The following NTRK2 variants were observed in gnomAD, a reference collection of about 807,000 sequenced individuals.
The protein encoded by NTRK2 is neurotrophic receptor tyrosine kinase 2.
Under a neutral mutation model 94.5 loss-of-function variants are expected in NTRK2, and 13 were observed. The ratio of observed to expected loss-of-function variants is 0.14; its 90% CI spans 0.09 to 0.22. NTRK2 has a LOEUF of 0.22. Ranked by LOEUF, NTRK2 falls within the 10% of genes least tolerant of loss-of-function variation. The pLI is 1.00. For synonymous variants in NTRK2, 372 were observed against 407.4 expected, an observed-to-expected ratio of 0.91 and a Z score of 1.05; for missense variants, 639 against 1,071.2, an observed-to-expected ratio of 0.60 and a Z score of 5.63.
At chr9:84,732,217 C>T (rs1588227921) in intron 9 of NTRK2, among the ~76,000 whole-genome samples, 1 of 152,184 alleles carries the variant, frequency 6.6e-6, no homozygotes, top group South Asian at 2.1e-4. Flanking sequence ...CTTTTGTTTT[C>T]CATCATGTCT....
intron 12 of NTRK2, among the ~76,000 whole-genome samples, chr9:84,797,739 CT>C (rs1360191453): frequency 9.4e-4 from 50 of 52,912 alleles, no homozygotes; most frequent in Middle Eastern, 9.1e-3. Flanking sequence ...ATTATATATA[CT>C]ATAATATATA....
chr9:84,862,370 G>T (rs2075377563), intron 13 of NTRK2, among the ~76,000 whole-genome samples: 1 of 152,172 alleles, frequency 6.6e-6, no homozygotes, highest in South Asian at 2.1e-4. Flanking sequence ...GGGGAAGGTG[G>T]TAATAAACTC....
At chr9:84,819,737 G>A (rs978588553) in intron 12 of NTRK2, among the ~76,000 whole-genome samples, 8 of 152,150 alleles carry the variant, frequency 5.3e-5, no homozygotes, top group African/African-American at 1.9e-4. Context: ...GCAGAATGGC[G>A]CCTTCTCTGT....
intron 14 of NTRK2, among the ~76,000 whole-genome samples, chr9:84,891,875 A>C (rs563874192): frequency 3.9e-5 from 6 of 152,274 alleles, no homozygotes; most frequent in African/African-American, 1.4e-4. Context: ...CTCAGCTAAT[A>C]TAGTCTGCTT....
Position 85,022,264 on chromosome 9 carries a change from T to C in NTRK2, c.*827T>C, listed in dbSNP as rs768409179. The C allele has an allele frequency of 1.7e-5, 4 of 233,096 alleles. No homozygotes were observed. The highest frequency in any genetic ancestry group is 1.7e-5 in the Non-Finnish European group (2 of 118,012). The allele number at this position is 233,096 out of a possible 1,614,324, so 14.4% of individuals were successfully genotyped here. On this transcript the variant is annotated 3_prime_UTR_variant, in exon 19 of 19. Coordinates refer to ENST00000277120, the MANE Select transcript of NTRK2 (RefSeq NM_006180.6). ...AAAAAGACTACTGGCCTCTGTGCCATGGATGATTCTTTTCCCATCACCAGA... is the reference window on the plus strand; with the variant it reads ...AAAAAGACTACTGGCCTCTGTGCCACGGATGATTCTTTTCCCATCACCAGA...
At chr9:84,882,723 C>CGT (rs1449811736) in intron 14 of NTRK2, among the ~76,000 whole-genome samples, 6 of 136,778 alleles carry the variant, frequency 4.4e-5, no homozygotes, top group African/African-American at 1.7e-4. Context: ...TGTGTGTGCG[C>CGT]GCGCGCGCGC....
In NTRK2 at chr9:85,025,631, T is replaced by C. The variant is rs1004691475; in HGVS notation, c.*4194T>C. 7.7e-5 allele frequency: 18 copies of C among 233,158 alleles called. No individual in the cohort carries two copies. Among genetic ancestry groups the C allele is most frequent in the Non-Finnish European group, 1.3e-4 (15 of 118,020 alleles). The allele number at this position is 233,158 out of a possible 1,614,324, so 14.4% of individuals were successfully genotyped here. ...TACCAATAACATTGTTGTATCTAAC[T>C]AAATAAATGACTGCATATACACACA... On this transcript the variant is annotated 3_prime_UTR_variant, in exon 19 of 19. Coordinates refer to ENST00000277120, the MANE Select transcript of NTRK2 (RefSeq NM_006180.6).
At chr9:84,900,213 G>A (rs1226134816) in intron 14 of NTRK2, among the ~76,000 whole-genome samples, 1 of 152,082 alleles carries the variant, frequency 6.6e-6, no homozygotes, top group African/African-American at 2.4e-5. Context: ...GTGCTGGTTC[G>A]GGTGTTAGAG....
chr9:84,694,883 A>ATCT (rs2060268154), intron 2 of NTRK2, among the ~76,000 whole-genome samples: 1 of 151,992 alleles, frequency 6.6e-6, no homozygotes. Flanking sequence ...GATTTGATAA[A>ATCT]AATCTATCTA....
chr9:85,018,484 T>C (rs571434300), intron 17 of NTRK2, among the ~76,000 whole-genome samples: 5 of 152,296 alleles, frequency 3.3e-5, no homozygotes, highest in Non-Finnish European at 5.9e-5. Context: ...GGCATTGCCA[T>C]GTGGGCTGCC....
intron 17 of NTRK2, among the ~76,000 whole-genome samples, chr9:85,016,516 A>G (rs1363570373): frequency 6.6e-6 from 1 of 152,184 alleles, no homozygotes; most frequent in African/African-American, 2.4e-5. Context: ...TATTTAAGCA[A>G]GGGCATGAGG....
At chr9:84,881,021 G>C (rs2076238477) in intron 14 of NTRK2, among the ~76,000 whole-genome samples, 1 of 152,214 alleles carries the variant, frequency 6.6e-6, no homozygotes, top group Admixed American at 6.5e-5. Flanking sequence ...GCAGAGCATG[G>C]CCAGCCCTTT....
chr9:84,697,538 G>T (rs549520689), intron 2 of NTRK2, among the ~76,000 whole-genome samples: 1 of 152,336 alleles, frequency 6.6e-6, no homozygotes, highest in Non-Finnish European at 1.5e-5. Context: ...AGGGGCAGTG[G>T]GGAGTGGTTT....
At chr9:84,986,140 C>T (rs1020283260) in intron 17 of NTRK2, among the ~76,000 whole-genome samples, 2 of 152,086 alleles carry the variant, frequency 1.3e-5, no homozygotes, top group African/African-American at 4.8e-5. Flanking sequence ...AGATGACTAC[C>T]CTTTCACAAA....
chr9:84,832,344 C>T (rs1009549886), intron 12 of NTRK2, among the ~76,000 whole-genome samples: 2 of 152,114 alleles, frequency 1.3e-5, no homozygotes, highest in Non-Finnish European at 1.5e-5. Context: ...ATTTTAAGTT[C>T]ACAAGAAAAA....
intron 17 of NTRK2, among the ~76,000 whole-genome samples, chr9:85,000,711 C>T (rs192432879): frequency 3.8e-4 from 58 of 152,246 alleles, no homozygotes; most frequent in African/African-American, 1.1e-3. Context: ...ATGAATAAAG[C>T]GGGTGTAGAC....
rs1002161902 is a variant in NTRK2 at position 84,766,423 on chromosome 9, G to T, written c.1396+14338G>T. 2.0e-5 allele frequency among the ~76,000 whole-genome samples: 3 copies of T among 152,124 alleles called. No individual in the cohort carries two copies. The East Asian group carries it at 5.8e-4, about 29-fold the overall frequency. ...TTTTTATTCAGAGTGAGGAGTACTT[G>T]TCTTATCCAAGGTACTTGGATACGA... On this transcript the variant is annotated intron_variant, in intron 12 of 18. Coordinates refer to ENST00000277120, the MANE Select transcript of NTRK2 (RefSeq NM_006180.6).
chr9:84,891,893 T>C (rs1223617809), intron 14 of NTRK2, among the ~76,000 whole-genome samples: 1 of 152,052 alleles, frequency 6.6e-6, no homozygotes, highest in Non-Finnish European at 1.5e-5. Context: ...CTTAATAAAA[T>C]CTTTACCAGC....
rs974627827 is a variant in NTRK2, at chr9:84,945,992, C to G, written c.1765-2470C>G. ...TCACCTGTGGCACATTCAAGGTCTC[C>G]AGGTCACGTAGGTCAGGCATGTCCC... On this transcript the variant is annotated intron_variant, in intron 15 of 18. Coordinates refer to ENST00000277120, the MANE Select transcript of NTRK2 (RefSeq NM_006180.6). 8.5e-5 allele frequency among the ~76,000 whole-genome samples: 13 copies of G among 152,158 alleles called. 1 individual carries two copies. Among genetic ancestry groups the G allele is most frequent in the Admixed American group, 8.5e-4 (13 of 15,282 alleles).
Sources: gnomAD v4.1 joint callset for allele counts (sites outside exome capture counted in the v4.1 genomes callset) on GRCh38, gnomAD v4.1.1 for gene constraint, MANE v1.5 for transcripts, NCBI Gene and HGNC (gene_info 2026-07-23, HGNC 2026-07-21) for gene names.